Variants in FOCAD observed in about 807,000 individuals in gnomAD.
FOCAD encodes the protein KIAA1797.
FOCAD carries 198 observed loss-of-function variants against 225.6 expected under a neutral mutation model. The ratio of observed to expected loss-of-function variants is 0.88; its 90% CI spans 0.78 to 0.99. The LOEUF (loss-of-function observed/expected upper bound fraction) is 0.99, where lower values mean the gene tolerates loss of function less well. Ranked by LOEUF, FOCAD falls within the 50% of genes least tolerant of loss-of-function variation. The pLI, the probability that FOCAD is intolerant of heterozygous loss-of-function variation, is 0.00. For missense variants in FOCAD, 2,713 were observed against 2,123.6 expected (o/e 1.28, Z -5.46); for synonymous variants, 897 against 755.0 (o/e 1.19, Z -3.08).
chr9:20,907,034 G>T (rs1833037082), intron 21 of FOCAD, 116 bp from the exon 22 acceptor site: 2 of 729,686 alleles, frequency 2.7e-6, no homozygotes, highest in Admixed American at 2.6e-5. Context: ...GACTGATTTG[G>T]TTTGTTTTCA....
At position 20,993,275 on chromosome 9, in the gene FOCAD, T is replaced by A; in HGVS notation, c.5279T>A (p.Ile1760Asn). The A allele has an allele frequency of 6.2e-7, 1 of 1,614,038 alleles. No individual in the cohort carries two copies. The highest frequency in any genetic ancestry group is 8.5e-7 in the Non-Finnish European group (1 of 1,179,920). Reference sequence around the variant, plus strand: ...TAGTTCATTGACTGGCTATTCAGCATCATGGAAAGCCCTAAAGAAGCCCTC... The same window carrying A: ...TAGTTCATTGACTGGCTATTCAGCAACATGGAAAGCCCTAAAGAAGCCCTC... ...TQKFIDWLFS[I>N]MESPKEALSA... Residue 1760 changes from isoleucine (I) to asparagine (N), a missense_variant, in exon 43 of 44, where the codon ATC (isoleucine) becomes AAC (asparagine). Transcript: ENST00000338382.
intron 37 of FOCAD, 150 bp downstream of exon 37, chr9:20,978,604 T>C: frequency 2.1e-6 from 1 of 484,708 alleles, no homozygotes; most frequent in Non-Finnish European, 3.6e-6. Context: ...GGCCTGCATA[T>C]TGGAAAATTA....
At chr9:20,906,183 A>T (rs1269188893) in intron 21 of FOCAD, among the ~76,000 whole-genome samples, 5 of 151,990 alleles carry the variant, frequency 3.3e-5, no homozygotes, top group African/African-American at 1.2e-4. Context: ...AACCAACTAT[A>T]TTCAGAGAGG....
chr9:20,797,439 C>G (rs948489602), intron 11 of FOCAD, among the ~76,000 whole-genome samples: 6 of 152,100 alleles, frequency 3.9e-5, no homozygotes, highest in African/African-American at 1.4e-4. Context: ...TTGATTCTTC[C>G]TACCCATGAG....
chr9:20,724,315 G>A (rs1003854301), intron 4 of FOCAD, among the ~76,000 whole-genome samples: 6 of 152,104 alleles, frequency 3.9e-5, no homozygotes, highest in Non-Finnish European at 7.4e-5. Flanking sequence ...ACAATAGATA[G>A]TGTTTCAGTC....
intron 33 of FOCAD, 37 bp downstream of exon 33, chr9:20,949,712 A>T (rs374964278): frequency 6.7e-7 from 1 of 1,486,574 alleles, no homozygotes; most frequent in African/African-American, 1.4e-5. Flanking sequence ...GGTGGAAAAC[A>T]TATCCCCCTT....
At chr9:20,728,629 G>A (rs1826410981) in intron 4 of FOCAD, among the ~76,000 whole-genome samples, 1 of 152,182 alleles carries the variant, frequency 6.6e-6, no homozygotes, top group Admixed American at 6.5e-5. Flanking sequence ...TTGCTACTGT[G>A]CTTGTGGCTT....
chr9:20,752,675 GT>G (rs1157900068), intron 5 of FOCAD, among the ~76,000 whole-genome samples: 3 of 152,108 alleles, frequency 2.0e-5, no homozygotes, highest in African/African-American at 7.2e-5. Context: ...CTTTAAAGTA[GT>G]TTTTTCCAAT....
chr9:20,879,433 G>A (rs1463404652), intron 19 of FOCAD, among the ~76,000 whole-genome samples: 1 of 152,056 alleles, frequency 6.6e-6, no homozygotes, highest in Non-Finnish European at 1.5e-5. Flanking sequence ...ATGGTGTGTG[G>A]GACTGTGTCT....
chr9:20,943,086 C>G (rs1836830246), intron 28 of FOCAD, among the ~76,000 whole-genome samples: 1 of 152,086 alleles, frequency 6.6e-6, no homozygotes, highest in South Asian at 2.1e-4. Context: ...AAAAAACTTC[C>G]CTGTAGATTC....
chr9:20,656,842 C>T (rs140276896), upstream of FOCAD, among the ~76,000 whole-genome samples: 1 of 152,210 alleles, frequency 6.6e-6, no homozygotes, highest in African/African-American at 2.4e-5. Flanking sequence ...GGTTATTCTG[C>T]TCGTTAGTTG....
intron 2 of FOCAD, among the ~76,000 whole-genome samples, chr9:20,669,518 T>C (rs532145953): frequency 2.6e-5 from 4 of 152,340 alleles, no homozygotes; most frequent in African/African-American, 7.2e-5. Context: ...CTCATGCTTG[T>C]AATCCCAGCA....
chr9:20,951,559 A>C (rs1307015184), intron 34 of FOCAD, among the ~76,000 whole-genome samples: 1 of 152,228 alleles, frequency 6.6e-6, no homozygotes, highest in Non-Finnish European at 1.5e-5. Context: ...TTTCATTAAA[A>C]GTCTCTTCAT....
intron 4 of FOCAD, among the ~76,000 whole-genome samples, chr9:20,732,676 T>G (rs1402389435): frequency 6.6e-6 from 1 of 152,050 alleles, no homozygotes; most frequent in East Asian, 1.9e-4. Context: ...AGTATTGGGT[T>G]TGGGGTAGGC....
intron 24 of FOCAD, among the ~76,000 whole-genome samples, chr9:20,918,416 T>A (rs543219059): frequency 1.1e-3 from 163 of 152,330 alleles, no homozygotes; most frequent in Non-Finnish European, 2.0e-3. Flanking sequence ...CTCATGGTAT[T>A]ACCTTCTCAT....
chr9:20,803,879 C>T (rs768521809), intron 11 of FOCAD, among the ~76,000 whole-genome samples: 1 of 152,096 alleles, frequency 6.6e-6, no homozygotes, highest in Non-Finnish European at 1.5e-5. Flanking sequence ...AGCCTAGCAG[C>T]ATCAATTAAA....
intron 11 of FOCAD, among the ~76,000 whole-genome samples, chr9:20,808,204 C>G (rs1227437004): frequency 2.0e-5 from 3 of 152,192 alleles, no homozygotes; most frequent in East Asian, 3.8e-4. Flanking sequence ...GATGGAATGT[C>G]TGACAGGTGT....
chr9:20,938,474 G>A (rs953499536), intron 28 of FOCAD, among the ~76,000 whole-genome samples: 7 of 151,756 alleles, frequency 4.6e-5, no homozygotes, highest in South Asian at 4.2e-4. Context: ...GCAAACTGTC[G>A]CAAGGACAAA....
intron 15 of FOCAD, among the ~76,000 whole-genome samples, chr9:20,837,921 A>G (rs950435526): frequency 2.0e-5 from 3 of 152,162 alleles, no homozygotes; most frequent in African/African-American, 7.2e-5. Flanking sequence ...AACCTTGATT[A>G]TATGAATAAA....
Sources: gnomAD v4.1 joint callset for allele counts (sites outside exome capture counted in the v4.1 genomes callset) on GRCh38, gnomAD v4.1.1 for gene constraint, MANE v1.5 for transcripts, NCBI Gene and HGNC (gene_info 2026-07-23, HGNC 2026-07-21) for gene names.